Variants in TAB3 observed in about 807,000 individuals in gnomAD.
TAB3 encodes the protein TGF-beta activated kinase 1 (MAP3K7) binding protein 3.
Under a neutral mutation model 48.1 loss-of-function variants are expected in TAB3, and 18 were observed. That is an observed-to-expected ratio of 0.37 (90% CI 0.26 to 0.55). The LOEUF (loss-of-function observed/expected upper bound fraction) is 0.55, where lower values mean the gene tolerates loss of function less well. TAB3 is among the 20% of genes least tolerant of loss of function. TAB3 has a pLI of 0.78. For synonymous variants in TAB3, 185 were observed against 190.2 expected, an observed-to-expected ratio of 0.97 and a Z score of 0.22; for missense variants, 414 against 549.8, an observed-to-expected ratio of 0.75 and a Z score of 2.47.
chrX:30,881,473 A>T (rs1337395637), intron 1 of TAB3, among the ~76,000 whole-genome samples: 1 of 111,630 alleles, frequency 9.0e-6, no homozygotes, highest in Non-Finnish European at 1.9e-5. Context: ...ACAAAATTTT[A>T]AAAAGCAATA....
chrX:30,876,622 C>CA (rs1229440893), intron 1 of TAB3, among the ~76,000 whole-genome samples: 1 of 111,433 alleles, frequency 9.0e-6, no homozygotes, highest in Non-Finnish European at 1.9e-5. Context: ...CTTCCCACCT[C>CA]AGTCTCCTGA....
At chrX:30,886,603 A>G (rs1193505731) in intron 1 of TAB3, among the ~76,000 whole-genome samples, 1 of 112,103 alleles carries the variant, frequency 8.9e-6, no homozygotes, top group African/African-American at 3.3e-5. Flanking sequence ...AAGGCCCCCA[A>G]ACAATGTACT....
Position 30,834,101 on chromosome X carries a change from G to A in TAB3, c.1940C>T (p.Thr647Ile), listed in dbSNP as rs1938114378. Residue 647 changes from threonine to isoleucine, a missense_variant, in exon 10 of 11, where the codon ACC becomes ATC. Thr to Ile is a moderately conservative substitution (Grantham distance 89, BLOSUM62 -1). Transcript: ENST00000288422. ...ATGGATGTCTGCCTGTACTTTGGAGGTCACGCTAATTCTTCGGGCTTTTCT... is the reference window on the plus strand; with the variant it reads ...ATGGATGTCTGCCTGTACTTTGGAGATCACGCTAATTCTTCGGGCTTTTCT... ...IERKARRISV[T>I]SKVQADIHDT... The A allele has an allele frequency of 9.1e-6, 11 of 1,211,506 alleles. No homozygotes were observed. Among genetic ancestry groups the A allele is most frequent in the Non-Finnish European group, 1.1e-5 (10 of 895,457 alleles).
Position 30,830,289 on chromosome X carries a change from T to C in TAB3, c.*1138A>G. ...CCCTCCTTTCCTAAATAATGCAGTG[T>C]GCAACTTTGTCGTTGGCCAACTGTA... is the stretch of plus-strand genomic sequence containing the variant. On this transcript the variant is annotated 3_prime_UTR_variant, in exon 11 of 11. Transcript: ENST00000288422. 8.9e-6 allele frequency: 1 copy of C among 112,481 alleles called. No individual in the cohort carries two copies. Among genetic ancestry groups the C allele is most frequent in the Non-Finnish European group, 1.9e-5 (1 of 53,280 alleles). 9.3% of individuals were successfully genotyped at this position (112,481 alleles called of 1,213,427 possible).
At chrX:30,846,323 A>T (rs945055673) in intron 8 of TAB3, 3 of 353,405 alleles carry the variant, frequency 8.5e-6, no homozygotes, top group African/African-American at 7.8e-5. Context: ...CAAAGTAACA[A>T]CATAGAACAG....
chrX:30,879,262 A>G (rs1373108296), intron 1 of TAB3, among the ~76,000 whole-genome samples: 1 of 111,545 alleles, frequency 9.0e-6, no homozygotes, highest in Non-Finnish European at 1.9e-5. Flanking sequence ...CTTAACCTAA[A>G]CTCTTCCAGA....
chrX:30,847,841 G>T (rs186998695), intron 7 of TAB3, among the ~76,000 whole-genome samples: 25 of 111,415 alleles, frequency 2.2e-4, no homozygotes, highest in African/African-American at 6.5e-4. Flanking sequence ...TAAAATAAGT[G>T]ATAAAAGGCA....
chrX:30,855,698 C>T, intron 5 of TAB3, 136 bp from the exon 6 acceptor site: 1 of 602,299 alleles, frequency 1.7e-6, no homozygotes, highest in Non-Finnish European at 2.5e-6. Flanking sequence ...CCACAAAAAA[C>T]TTCATGGTCA....
At chrX:30,852,362 T>G (rs16989201) in intron 7 of TAB3, among the ~76,000 whole-genome samples, 7,472 of 111,855 alleles carry the variant, frequency 0.067, 600 homozygotes, top group African/African-American at 0.23. Context: ...TTGATCTAAC[T>G]CATCTGAATT....
intron 6 of TAB3, 65 bp from the exon 7 acceptor site, chrX:30,853,003 T>C: frequency 9.3e-7 from 1 of 1,079,055 alleles, no homozygotes; most frequent in East Asian, 3.0e-5. Flanking sequence ...AAAATTTCGA[T>C]ATGCACTGCT....
rs1468121431 is a variant in TAB3, at chrX:30,866,803, C to T, written c.-91+312G>A. ...CTCAAGGAGGTGGAGCATAACCTCC[C>T]ACCTCTTAAGTGTGGAATGCACATG... On this transcript the variant is annotated intron_variant, in intron 4 of 10. Transcript: ENST00000288422. 4.7e-5 allele frequency among the ~76,000 whole-genome samples: 5 copies of T among 105,326 alleles called. No homozygotes were observed. The East Asian group carries it at 1.2e-3, about 25-fold the overall frequency. 91.5% of individuals were successfully genotyped at this position (105,326 alleles called of 115,157 possible). A position where few individuals can be genotyped will look rare whatever the true frequency, so the allele number is the denominator to read the frequency against.
intron 9 of TAB3, among the ~76,000 whole-genome samples, chrX:30,837,041 CTTTT>C (rs370702875): frequency 2.7e-5 from 1 of 36,571 alleles, no homozygotes. Flanking sequence ...AAAATGACAT[CTTTT>C]TTTTTTTTTT....
In TAB3 at chrX:30,859,684, TAA is replaced by T. The variant is rs58473340; in HGVS notation, c.-90-8_-90-7del. ...TCTAGCACCACAGTCATTTTCTATT[TAA>T]AAAAAAAAAAAAAGTATGGTTAAGT... is the stretch of plus-strand genomic sequence containing the variant. On this transcript the variant is annotated splice_polypyrimidine_tract_variant and splice_region_variant and intron_variant, in intron 4 of 10. Coordinates refer to ENST00000288422, the MANE Select transcript of TAB3 (RefSeq NM_152787.5). 758 of 449,690 alleles carry T rather than the reference TAA, an allele frequency of 1.7e-3. No homozygotes were observed. The highest frequency in any genetic ancestry group is 2.4e-3 in the Admixed American group (54 of 22,217). The allele number at this position is 449,690 out of a possible 1,213,427, so 37.1% of individuals were successfully genotyped here. A position where few individuals can be genotyped will look rare whatever the true frequency, so the allele number is the denominator to read the frequency against.
rs943248019 is a variant in TAB3 at position 30,828,036 on chromosome X, A to G, written c.*3391T>C. 1.8e-5 allele frequency: 2 copies of G among 112,098 alleles called. No homozygotes were observed. Among genetic ancestry groups the G allele is most frequent in the Non-Finnish European group, 3.8e-5 (2 of 53,128 alleles). 9.2% of individuals were successfully genotyped at this position (112,098 alleles called of 1,213,427 possible). A position where few individuals can be genotyped will look rare whatever the true frequency, so the allele number is the denominator to read the frequency against. On this transcript the variant is annotated 3_prime_UTR_variant, in exon 11 of 11. Transcript: ENST00000288422. ...TATACAGACACACACGGTAACATGG[A>G]CTCATTCAAGGTCTAACAATGGTAC...
chrX:30,845,225 A>G (rs1938585152), intron 8 of TAB3: 1 of 112,799 alleles, frequency 8.9e-6, no homozygotes, highest in Non-Finnish European at 1.9e-5. Flanking sequence ...AAGAAAAGTT[A>G]AGTGTGGGGG....
chrX:30,840,102 T>C (rs1938388430), intron 9 of TAB3, among the ~76,000 whole-genome samples: 1 of 109,358 alleles, frequency 9.1e-6, no homozygotes, highest in South Asian at 3.9e-4. Flanking sequence ...TCATTATCAT[T>C]GTAATAGATA....
chrX:30,882,792 T>G (rs1292523774), intron 1 of TAB3, among the ~76,000 whole-genome samples: 2 of 111,816 alleles, frequency 1.8e-5, no homozygotes, highest in African/African-American at 6.5e-5. Flanking sequence ...TCGAGTAAAA[T>G]CTACAGTCTC....
At chrX:30,849,967 G>A (rs752796556) in intron 7 of TAB3, among the ~76,000 whole-genome samples, 3 of 112,411 alleles carry the variant, frequency 2.7e-5, no homozygotes, top group Admixed American at 1.9e-4. Context: ...TGGGCATTGT[G>A]TAAACTGCTT....
chrX:30,887,918 T>C (rs1312367175), intron 1 of TAB3, among the ~76,000 whole-genome samples: 2 of 112,164 alleles, frequency 1.8e-5, no homozygotes, highest in Non-Finnish European at 3.8e-5. Flanking sequence ...GGGCGGGGGC[T>C]GTCCCTACGG....
Sources: gnomAD v4.1 joint callset for allele counts (sites outside exome capture counted in the v4.1 genomes callset) on GRCh38, gnomAD v4.1.1 for gene constraint, MANE v1.5 for transcripts, NCBI Gene and HGNC (gene_info 2026-07-23, HGNC 2026-07-21) for gene names.